The following TENM2 variants were observed in gnomAD, a reference collection of about 807,000 sequenced individuals.
The protein encoded by TENM2 is teneurin transmembrane protein 2.
Under a neutral mutation model 245.2 loss-of-function variants are expected in TENM2, and 52 were observed. That is an observed-to-expected ratio of 0.21 (90% CI 0.17 to 0.27). TENM2 has a LOEUF of 0.27. Ranked by LOEUF, TENM2 falls within the 10% of genes least tolerant of loss-of-function variation. The probability of loss-of-function intolerance (pLI) is 1.00; values close to 1 mark genes in which losing one functional copy is unlikely to be tolerated. For synonymous variants in TENM2, 1,363 were observed against 1,438.9 expected, an observed-to-expected ratio of 0.95 and a Z score of 1.19; for missense variants, 3,046 against 3,666.8, an observed-to-expected ratio of 0.83 and a Z score of 4.37.
chr5:168,091,934 G>A (rs1382903545), intron 8 of TENM2, among the ~76,000 whole-genome samples: 2 of 152,192 alleles, frequency 1.3e-5, no homozygotes, highest in African/African-American at 2.4e-5. Flanking sequence ...TAATGACCAC[G>A]TCCAGGAAGT....
At chr5:167,172,864 A>G in the TENM2 span, among the ~76,000 whole-genome samples, 1 of 152,054 alleles carries the variant, frequency 6.6e-6, no homozygotes, top group Non-Finnish European at 1.5e-5. Context: ...TAAACGTTTC[A>G]ATAGAAATCC....
intron 5 of TENM2, among the ~76,000 whole-genome samples, chr5:168,020,135 G>C (rs540648250): frequency 6.6e-6 from 1 of 152,140 alleles, no homozygotes; most frequent in Admixed American, 6.5e-5. Context: ...AGAGAATGTC[G>C]AGGATGTAGG....
chr5:167,765,248 A>G (rs1054456070), intron 2 of TENM2, among the ~76,000 whole-genome samples: 33 of 152,164 alleles, frequency 2.2e-4, no homozygotes, highest in African/African-American at 7.2e-4. Context: ...GTCAGAAGTC[A>G]CCTTTCTGAG....
intron 1 of TENM2, among the ~76,000 whole-genome samples, chr5:167,365,209 A>G (rs1759969248): frequency 1.3e-5 from 2 of 152,068 alleles, no homozygotes; most frequent in Admixed American, 1.3e-4. Context: ...TCAAAGAAGT[A>G]GATGAGAAAT....
intron 2 of TENM2, among the ~76,000 whole-genome samples, chr5:167,707,477 A>G (rs781743110): frequency 1.6e-4 from 25 of 152,172 alleles, no homozygotes; most frequent in African/African-American, 3.9e-4. Flanking sequence ...TGTCATATAC[A>G]TGGAAACCAT....
At chr5:167,485,655 G>C (rs918707046) in intron 2 of TENM2, among the ~76,000 whole-genome samples, 2 of 152,064 alleles carry the variant, frequency 1.3e-5, no homozygotes, top group African/African-American at 4.8e-5. Flanking sequence ...GAGTGCAGTG[G>C]GTTGAAGAAC....
chr5:167,341,563 C>A (rs1239731752), intron 1 of TENM2, among the ~76,000 whole-genome samples: 1 of 151,812 alleles, frequency 6.6e-6, no homozygotes, highest in East Asian at 1.9e-4. Context: ...ATAATTCATA[C>A]AGAGGTAGGG....
At chr5:167,348,102 A>T (rs571837379) in intron 1 of TENM2, among the ~76,000 whole-genome samples, 1 of 152,210 alleles carries the variant, frequency 6.6e-6, no homozygotes, top group Admixed American at 6.5e-5. Context: ...CATCTCTATT[A>T]TAGTAGTCCT....
At chr5:167,325,990 T>C (rs1407786768) in intron 1 of TENM2, among the ~76,000 whole-genome samples, 9 of 152,198 alleles carry the variant, frequency 5.9e-5, no homozygotes, top group Non-Finnish European at 1.3e-4. Context: ...TACATGGACC[T>C]GTCTGAAAAG....
intron 3 of TENM2, among the ~76,000 whole-genome samples, chr5:167,945,512 T>C (rs911488436): frequency 2.0e-5 from 3 of 152,160 alleles, no homozygotes; most frequent in African/African-American, 7.2e-5. Flanking sequence ...AGTTGGTGCT[T>C]ACTAAATGGG....
chr5:167,135,328 T>C, the TENM2 span, among the ~76,000 whole-genome samples: 2 of 152,244 alleles, frequency 1.3e-5, no homozygotes, highest in Non-Finnish European at 2.9e-5. Flanking sequence ...TTAAAGCTAC[T>C]AACAGAGCTT....
At chr5:167,960,505 A>G (rs1780923143) in intron 4 of TENM2, among the ~76,000 whole-genome samples, 1 of 152,176 alleles carries the variant, frequency 6.6e-6, no homozygotes, top group East Asian at 1.9e-4. Flanking sequence ...TGAGGGGAAA[A>G]CTACTTACTC....
In TENM2 at chr5:167,499,763, G is replaced by A. The variant is rs369315716; in HGVS notation, c.502+124290G>A. Among the ~76,000 whole-genome samples, 15 of 152,084 alleles carry A rather than the reference G, an allele frequency of 9.9e-5. 1 individual carries two copies. The highest frequency in any genetic ancestry group is 5.8e-4 in the East Asian group (3 of 5,168). ...CACTTGGTTCATAGGTATTTGCTCC[G>A]CTTTGATTCAGTCAAGGGGTCTGTG... On this transcript the variant is annotated intron_variant, in intron 2 of 28. Coordinates refer to ENST00000518659, the Ensembl canonical transcript of TENM2.
intron 1 of TENM2, among the ~76,000 whole-genome samples, chr5:167,323,447 T>C (rs889651356): frequency 5.3e-5 from 8 of 152,214 alleles, no homozygotes; most frequent in Admixed American, 3.9e-4. Context: ...TGTGTATATA[T>C]GTATGTGGAT....
chr5:167,172,774 CTATTTATT>C, the TENM2 span, among the ~76,000 whole-genome samples: 3,331 of 151,888 alleles, frequency 0.022, 105 homozygotes, highest in African/African-American at 0.075. Context: ...CTATGCTTAG[CTATTTATT>C]TATTTATTTA....
chr5:167,626,398 CATTG>C (rs1445244674), intron 2 of TENM2, among the ~76,000 whole-genome samples: 1 of 152,088 alleles, frequency 6.6e-6, no homozygotes, highest in East Asian at 1.9e-4. Flanking sequence ...GAACTAAAAC[CATTG>C]ATTGATTGGT....
intron 2 of TENM2, chr5:167,660,395 G>C (rs1388169193): frequency 6.7e-6 from 1 of 149,860 alleles, no homozygotes; most frequent in Non-Finnish European, 1.5e-5. Context: ...AACCCGGGAG[G>C]TGGAGCTTGC....
At chr5:167,903,768 A>T (rs1477357088) in intron 3 of TENM2, among the ~76,000 whole-genome samples, 1 of 152,198 alleles carries the variant, frequency 6.6e-6, no homozygotes, top group African/African-American at 2.4e-5. Context: ...TCCCAACCTT[A>T]GACCTTCTGA....
the TENM2 span, among the ~76,000 whole-genome samples, chr5:167,138,131 T>A: frequency 1.3e-5 from 2 of 152,200 alleles, no homozygotes; most frequent in East Asian, 3.9e-4. Context: ...TCTGTTCAAA[T>A]CTCTCATGTT....
Sources: gnomAD v4.1 joint callset for allele counts (sites outside exome capture counted in the v4.1 genomes callset) on GRCh38, gnomAD v4.1.1 for gene constraint, MANE v1.5 for transcripts, NCBI Gene and HGNC (gene_info 2026-07-23, HGNC 2026-07-21) for gene names.